The following DAPK1 variants were observed in gnomAD, a reference collection of about 807,000 sequenced individuals.
The protein encoded by DAPK1 is death-associated protein kinase 1.
A neutral mutation model predicts 144.9 loss-of-function variants in DAPK1; 56 were observed. The ratio of observed to expected loss-of-function variants is 0.39; its 90% CI spans 0.31 to 0.48. The LOEUF is 0.48. Among genes scored for constraint, DAPK1 ranks in the 20% least tolerant of loss-of-function variants. The pLI, the probability that DAPK1 is intolerant of heterozygous loss-of-function variation, is 0.95. For missense variants in DAPK1, 1,454 were observed against 1,875.4 expected, an observed-to-expected ratio of 0.78 and a Z score of 4.15; for synonymous variants, 690 against 749.0, an observed-to-expected ratio of 0.92 and a Z score of 1.29.
chr9:87,587,899 T>A (rs1203723146), intron 2 of DAPK1, among the ~76,000 whole-genome samples: 1 of 152,228 alleles, frequency 6.6e-6, no homozygotes, highest in African/African-American at 2.4e-5. Context: ...ATGCAGGTGG[T>A]TTTAAGCAAC....
At chr9:87,654,322 A>C (rs1240369012) in intron 17 of DAPK1, among the ~76,000 whole-genome samples, 1 of 152,230 alleles carries the variant, frequency 6.6e-6, no homozygotes, top group Non-Finnish European at 1.5e-5. Context: ...GTCCAAGCAC[A>C]ATTAATTTTT....
At position 87,527,422 on chromosome 9, in the gene DAPK1, G is replaced by A. The variant is rs571086844; in HGVS notation, c.62+28283G>A. ...AACAGCAACTCCATGCCACGGGAAC[G>A]TTTCTGCTTCCATTGTTACTCACCG... On this transcript the variant is annotated intron_variant, in intron 2 of 25. Coordinates refer to ENST00000408954, the MANE Select transcript of DAPK1 (RefSeq NM_004938.4). Among the ~76,000 whole-genome samples the A allele has an allele frequency of 9.8e-5, 15 of 152,296 alleles. No homozygotes were observed. In the South Asian group the frequency reaches 3.1e-3, roughly 32 times the overall value.
Position 87,571,473 on chromosome 9 carries a change from A to ACACACACACC in DAPK1, c.63-33480_63-33479insACACACACCC, listed in dbSNP as rs377253457. On this transcript the variant is annotated intron_variant, in intron 2 of 25. Transcript: ENST00000408954. Reference sequence around the variant, plus strand: ...CACACACACACACACACACACACACACCAACACACACACACACACACCCCA... The same window carrying ACACACACACC: ...CACACACACACACACACACACACACACACACACACCCCAACACACACACACACACACCCCA... 7.4e-3 allele frequency among the ~76,000 whole-genome samples: 426 copies of ACACACACACC among 57,556 alleles called. 63 individuals are homozygous for ACACACACACC. The highest frequency in any genetic ancestry group is 0.012 in the African/African-American group (162 of 12,998). The allele number at this position is 57,556 out of a possible 152,430, so 37.8% of individuals were successfully genotyped here. A position where few individuals can be genotyped will look rare whatever the true frequency, so the allele number is the denominator to read the frequency against.
intron 3 of DAPK1, chr9:87,633,258 T>G: frequency 1.0e-6 from 1 of 983,982 alleles, no homozygotes; most frequent in Non-Finnish European, 1.2e-6. Flanking sequence ...TATGTAGAAA[T>G]GAAGGAAATG....
At chr9:87,534,667 C>G (rs577166267) in intron 2 of DAPK1, among the ~76,000 whole-genome samples, 15 of 140,798 alleles carry the variant, frequency 1.1e-4, no homozygotes, top group Non-Finnish European at 1.8e-4. Flanking sequence ...TTTTTTGATA[C>G]GGAGTCTCGC....
At chr9:87,674,677 TGCTGCACCATCCGTGCAGTCTC>T (rs1253044761) in intron 19 of DAPK1, among the ~76,000 whole-genome samples, 2 of 152,164 alleles carry the variant, frequency 1.3e-5, no homozygotes, top group African/African-American at 2.4e-5. Context: ...AATTAAAAGT[TGCTGCACCATCCGTGCAGTCTC>T]ACTGCACCCT....
chr9:87,673,798 G>C (rs1824262798), intron 19 of DAPK1, among the ~76,000 whole-genome samples: 1 of 152,178 alleles, frequency 6.6e-6, no homozygotes, highest in South Asian at 2.1e-4. Flanking sequence ...GCAAATGCTA[G>C]AGATGAAGTC....
intron 2 of DAPK1, among the ~76,000 whole-genome samples, chr9:87,521,700 C>T (rs1032620828): frequency 6.6e-6 from 1 of 152,196 alleles, no homozygotes; most frequent in Admixed American, 6.5e-5. Flanking sequence ...TATTCCCCAT[C>T]ATTTAGGAAA....
chr9:87,634,818 A>T (rs998518260), intron 3 of DAPK1, among the ~76,000 whole-genome samples: 5 of 152,042 alleles, frequency 3.3e-5, no homozygotes, highest in Non-Finnish European at 7.4e-5. Flanking sequence ...TGAGATGGCC[A>T]TGGTGGGAAT....
chr9:87,677,263 T>C (rs191858615), intron 19 of DAPK1, among the ~76,000 whole-genome samples: 3 of 152,340 alleles, frequency 2.0e-5, no homozygotes, highest in Admixed American at 2.0e-4. Flanking sequence ...TGAGCTGGAC[T>C]GTCAGTACAG....
chr9:87,576,130 T>C (rs1349542044), intron 2 of DAPK1, among the ~76,000 whole-genome samples: 1 of 152,238 alleles, frequency 6.6e-6, no homozygotes, highest in East Asian at 1.9e-4. Context: ...TGGGTGGACT[T>C]TGATGAGTTC....
intron 18 of DAPK1, among the ~76,000 whole-genome samples, chr9:87,663,108 AG>A (rs1295819777): frequency 6.6e-6 from 1 of 151,992 alleles, no homozygotes; most frequent in Admixed American, 6.6e-5. Context: ...GTCCTCAGCC[AG>A]GGGGACCTGA....
chr9:87,529,163 G>C (rs539971232), intron 2 of DAPK1, among the ~76,000 whole-genome samples: 1 of 152,136 alleles, frequency 6.6e-6, no homozygotes, highest in African/African-American at 2.4e-5. Context: ...GTTAAACCGC[G>C]TACTTGATCT....
rs36212052 is a variant in DAPK1 at position 87,643,064 on chromosome 9, A to C, written c.919-312A>C. Among the ~76,000 whole-genome samples the C allele has an allele frequency of 5.1e-3, 774 of 152,306 alleles. 6 individuals carry two copies. The highest frequency in any genetic ancestry group is 0.016 in the African/African-American group (680 of 41,578). On this transcript the variant is annotated intron_variant, in intron 10 of 25. Coordinates refer to ENST00000408954, the MANE Select transcript of DAPK1 (RefSeq NM_004938.4). ...GATCACCTTCTCCAAACAGCAGAGA[A>C]GAAAATATAGAGAGAGAAAGGATGT...
chr9:87,691,811 A>G (rs1825063525), intron 21 of DAPK1, among the ~76,000 whole-genome samples: 1 of 151,894 alleles, frequency 6.6e-6, no homozygotes, highest in Non-Finnish European at 1.5e-5. Flanking sequence ...CTTGTTATCA[A>G]TTTCTAGTTT....
intron 3 of DAPK1, among the ~76,000 whole-genome samples, chr9:87,608,855 GCTGA>G (rs1252428501): frequency 6.6e-6 from 1 of 152,192 alleles, no homozygotes; most frequent in Admixed American, 6.5e-5. Flanking sequence ...TCCCCTAGGA[GCTGA>G]CTATTTTTGC....
intron 2 of DAPK1, among the ~76,000 whole-genome samples, chr9:87,520,053 G>C (rs1008565476): frequency 6.6e-6 from 1 of 152,024 alleles, no homozygotes; most frequent in South Asian, 2.1e-4. Flanking sequence ...GCTTCCAAAA[G>C]GAAGAAGGAA....
intron 3 of DAPK1, among the ~76,000 whole-genome samples, chr9:87,626,738 A>T (rs1163081612): frequency 6.6e-6 from 1 of 152,254 alleles, no homozygotes; most frequent in Non-Finnish European, 1.5e-5. Flanking sequence ...TCAGGTGAAC[A>T]TTAAGCTACA....
rs36230216 is a variant in DAPK1, at chr9:87,526,365, C to T, written c.62+27226C>T. Among the ~76,000 whole-genome samples, 619 of 152,292 alleles carry T rather than the reference C, an allele frequency of 4.1e-3. 6 individuals carry two copies. Among genetic ancestry groups the T allele is most frequent in the African/African-American group, 0.014 (590 of 41,566 alleles). ...TGGCAACCACTGTCAGTTTTCTGTT[C>T]TTGCAGTGTCTCCTTTTCAAGACAG... On this transcript the variant is annotated intron_variant, in intron 2 of 25. Coordinates refer to ENST00000408954, the MANE Select transcript of DAPK1 (RefSeq NM_004938.4).
Sources: allele counts gnomAD v4.1 joint callset (sites outside exome capture counted in the v4.1 genomes callset), GRCh38; gene constraint gnomAD v4.1.1; transcripts MANE v1.5; gene names NCBI Gene and HGNC (gene_info 2026-07-23, HGNC 2026-07-21).